The following KIF26B variants were observed in gnomAD, a reference collection of about 807,000 sequenced individuals.
KIF26B encodes kinesin family member 26B, also known as kinesin-like protein KIF26B.
A neutral mutation model predicts 151.2 loss-of-function variants in KIF26B; 63 were observed. The observed-to-expected ratio is 0.42, with a 90% CI of 0.34 to 0.51. KIF26B has a LOEUF of 0.51. Ranked by LOEUF, KIF26B falls within the 20% of genes least tolerant of loss-of-function variation. KIF26B has a pLI of 0.07. For synonymous variants in KIF26B, 1,357 were observed against 1,262.1 expected, an observed-to-expected ratio of 1.08 and a Z score of -1.59; for missense variants, 2,813 against 2,913.6, an observed-to-expected ratio of 0.97 and a Z score of 0.79.
At chr1:245,506,461 T>C (rs746487514) in intron 4 of KIF26B, among the ~76,000 whole-genome samples, 6 of 152,322 alleles carry the variant, frequency 3.9e-5, no homozygotes, top group Admixed American at 2.0e-4. Context: ...CTTAAAGCCA[T>C]CGCTCTCTTA....
At chr1:245,435,165 AT>A (rs1444678751) in intron 4 of KIF26B, among the ~76,000 whole-genome samples, 11 of 151,914 alleles carry the variant, frequency 7.2e-5, no homozygotes, top group Non-Finnish European at 1.0e-4. Flanking sequence ...CCATCCATCC[AT>A]CCATCCACCC....
chr1:245,436,291 A>G (rs1047239107), intron 4 of KIF26B, among the ~76,000 whole-genome samples: 2 of 152,150 alleles, frequency 1.3e-5, no homozygotes, highest in Non-Finnish European at 2.9e-5. Context: ...CACTCTTTGC[A>G]GTCTCCTACC....
intron 3 of KIF26B, among the ~76,000 whole-genome samples, chr1:245,390,942 A>AAAACAAAACAAAAC (rs1553270124): frequency 6.9e-6 from 1 of 145,268 alleles, no homozygotes. Flanking sequence ...AAAAAAAAAA[A>AAAACAAAACAAAAC]AAAAAAAAAA....
At chr1:245,573,304 A>G (rs927678236) in intron 5 of KIF26B, among the ~76,000 whole-genome samples, 5 of 152,194 alleles carry the variant, frequency 3.3e-5, no homozygotes, top group African/African-American at 1.2e-4. Flanking sequence ...CGGGTGGATC[A>G]CGAGGTCAGG....
intron 9 of KIF26B, among the ~76,000 whole-genome samples, chr1:245,624,283 GA>G (rs5782361): frequency 0.57 from 82,598 of 144,294 alleles, 23,144 homozygotes; most frequent in East Asian, 0.84. Flanking sequence ...GGGAATATTT[GA>G]AAAAAAAAAA....
chr1:245,681,241 G>T (rs2044433541), intron 10 of KIF26B, among the ~76,000 whole-genome samples: 1 of 135,206 alleles, frequency 7.4e-6, no homozygotes, highest in Admixed American at 7.9e-5. Context: ...ACAGAGTCTC[G>T]CTCTGTCGCC....
At chr1:245,636,502 T>G (rs1416085675) in intron 9 of KIF26B, among the ~76,000 whole-genome samples, 1 of 152,130 alleles carries the variant, frequency 6.6e-6, no homozygotes, top group African/African-American at 2.4e-5. Context: ...AATTGGGATA[T>G]TCATCACCTC....
intron 2 of KIF26B, among the ~76,000 whole-genome samples, chr1:245,191,053 C>T (rs540203037): frequency 6.3e-4 from 50 of 79,576 alleles, no homozygotes; most frequent in Middle Eastern, 0.014. Context: ...GAGCAAGACT[C>T]TGTCTCAAAA....
intron 3 of KIF26B, among the ~76,000 whole-genome samples, chr1:245,417,407 A>G (rs185488947): frequency 3.7e-4 from 56 of 152,306 alleles, no homozygotes; most frequent in African/African-American, 1.3e-3. Flanking sequence ...TGGCTTGGGC[A>G]AATTGCTTCT....
intron 5 of KIF26B, among the ~76,000 whole-genome samples, chr1:245,573,721 C>G (rs1203446503): frequency 6.6e-6 from 1 of 152,100 alleles, no homozygotes; most frequent in Admixed American, 6.5e-5. Context: ...GAGTAGTTCC[C>G]CCTTATCCTC....
At chr1:245,260,729 A>T (rs138715876) in intron 2 of KIF26B, among the ~76,000 whole-genome samples, 2,533 of 152,202 alleles carry the variant, frequency 0.017, 43 homozygotes, top group Middle Eastern at 0.02. Context: ...TCTTAATTGT[A>T]TTGGCATTCC....
Position 245,540,938 on chromosome 1 carries a change from G to A in KIF26B, c.1338G>A (p.Pro446=), listed in dbSNP as rs775664396. Residue 446 remains proline (P), a synonymous_variant, in exon 5 of 15, where the codon CCG becomes CCA. Transcript: ENST00000407071. The surrounding 1 kb of genome is among the most constrained non-coding windows in gnomAD (Gnocchi z 4.6). ...CTGTCAACAAGGTGAAGGACACCCC[G>A]GGGCTGGGCAAGGTAGGACCATCCG... is the stretch of plus-strand genomic sequence containing the variant. ...LRAVNKVKDT[P]GLGKVKVMLR... 1.6e-5 allele frequency: 25 copies of A among 1,612,888 alleles called. No individual in the cohort carries two copies. The highest frequency in any genetic ancestry group is 3.3e-4 in the Middle Eastern group (2 of 6,018).
chr1:245,316,140 A>G (rs1272630815), intron 2 of KIF26B, among the ~76,000 whole-genome samples: 1 of 141,574 alleles, frequency 7.1e-6, no homozygotes, highest in African/African-American at 2.6e-5. Flanking sequence ...GGCTGCTTCT[A>G]TTTTTTTTTT....
chr1:245,376,500 G>T lies in KIF26B; in HGVS notation c.999+9133G>T, dbSNP rs763446774. ...TATCTGCAGGTGGGACCCAGGCCTT[G>T]GTTTGAACTTGGCCAAGTCCAAGAA... On this transcript the variant is annotated intron_variant, in intron 3 of 14. Coordinates refer to ENST00000407071, the MANE Select transcript of KIF26B (RefSeq NM_018012.4). Among the ~76,000 whole-genome samples the T allele has an allele frequency of 1.7e-4, 26 of 152,190 alleles. No homozygotes were observed. In the South Asian group the frequency reaches 2.7e-3, roughly 16 times the overall value.
chr1:245,334,341 A>G (rs565742374), intron 2 of KIF26B, among the ~76,000 whole-genome samples: 1 of 152,354 alleles, frequency 6.6e-6, no homozygotes, highest in South Asian at 2.1e-4. Flanking sequence ...CCTGGTGTTA[A>G]CTAACTCTGT....
intron 4 of KIF26B, among the ~76,000 whole-genome samples, chr1:245,528,729 G>T (rs772718856): frequency 1.3e-5 from 2 of 152,198 alleles, no homozygotes; most frequent in Non-Finnish European, 2.9e-5. Flanking sequence ...TCATCTTCCA[G>T]TGTCCTTAAA....
In KIF26B at chr1:245,673,046, G is replaced by C. The variant is rs369781217; in HGVS notation, c.2259-11187G>C. Among the ~76,000 whole-genome samples, 624 of 150,876 alleles carry C rather than the reference G, an allele frequency of 4.1e-3. 5 individuals are homozygous for C. The highest frequency in any genetic ancestry group is 0.014 in the African/African-American group (572 of 41,064). Reference sequence around the variant, plus strand: ...ACGGCGCGCTGCCATCTTAGGCCCAGTCCCCACTGCACGCTGTCATCTTAG... The same window carrying C: ...ACGGCGCGCTGCCATCTTAGGCCCACTCCCCACTGCACGCTGTCATCTTAG... On this transcript the variant is annotated intron_variant, in intron 10 of 14. Coordinates refer to ENST00000407071, the MANE Select transcript of KIF26B (RefSeq NM_018012.4).
At chr1:245,335,016 G>T (rs1042297195) in intron 2 of KIF26B, among the ~76,000 whole-genome samples, 1 of 152,168 alleles carries the variant, frequency 6.6e-6, no homozygotes. Flanking sequence ...GTTCCGCTGG[G>T]GCTGTGATTT....
chr1:245,591,372 G>A (rs139280554), intron 5 of KIF26B, among the ~76,000 whole-genome samples: 117 of 152,294 alleles, frequency 7.7e-4, no homozygotes, highest in African/African-American at 2.5e-3. Context: ...CTGACATTGT[G>A]GAAAGGGATG....
Sources: gnomAD v4.1 joint callset for allele counts (sites outside exome capture counted in the v4.1 genomes callset) on GRCh38, gnomAD v4.1.1 for gene constraint, Gnocchi (gnomAD v3.1) non-coding constraint, MANE v1.5 for transcripts, NCBI Gene and HGNC (gene_info 2026-07-23, HGNC 2026-07-21) for gene names.